The following DLG2 variants were observed in gnomAD, a reference collection of about 807,000 sequenced individuals.
The protein encoded by DLG2 is disks large homolog 2.
A neutral mutation model predicts 132.5 loss-of-function variants in DLG2; 45 were observed. The ratio of observed to expected loss-of-function variants is 0.34; its 90% CI spans 0.27 to 0.44. The LOEUF is 0.44. Ranked by LOEUF, DLG2 falls within the 20% of genes least tolerant of loss-of-function variation. DLG2 has a pLI of 1.00. For synonymous variants in DLG2, 424 were observed against 419.6 expected, an observed-to-expected ratio of 1.01 and a Z score of -0.13; for missense variants, 1,045 against 1,196.9, an observed-to-expected ratio of 0.87 and a Z score of 1.87.
At chr11:84,758,931 G>A (rs917574003) in intron 6 of DLG2, among the ~76,000 whole-genome samples, 1 of 152,140 alleles carries the variant, frequency 6.6e-6, no homozygotes, top group Non-Finnish European at 1.5e-5. Context: ...AGGCTGGAGT[G>A]CAGTGGTGGG....
Position 84,251,282 on chromosome 11 carries a change from C to G in DLG2, c.529G>C (p.Ala177Pro), listed in dbSNP as rs1200209231. 5 of 1,585,062 alleles carry G rather than the reference C, an allele frequency of 3.2e-6. No homozygotes were observed. The highest frequency in any genetic ancestry group is 4.3e-6 in the Non-Finnish European group (5 of 1,169,786). Residue 177 changes from alanine (A) to proline (P), a missense_variant, in exon 8 of 28, where the codon GCT (alanine) becomes CCT (proline). This residue lies in a region of DLG2 where 277 missense variants were observed against 238.2 expected (regional missense o/e 1.16). Coordinates refer to ENST00000376104, the MANE Select transcript of DLG2 (RefSeq NM_001142699.3). ...GTATCTGTGTTGACAATTATAGGAGCAGGACTGGCCTGAAAAAAGAAATAG... is the reference window on the plus strand; with the variant it reads ...GTATCTGTGTTGACAATTATAGGAGGAGGACTGGCCTGAAAAAAGAAATAG... ...SHISPLKASP[A>P]PIIVNTDTLD...
intron 6 of DLG2, among the ~76,000 whole-genome samples, chr11:84,618,972 T>C (rs1472132884): frequency 5.3e-5 from 8 of 152,164 alleles, no homozygotes; most frequent in East Asian, 1.9e-4. Context: ...GACTCATTGA[T>C]AGATGATGTA....
intron 3 of DLG2, among the ~76,000 whole-genome samples, chr11:85,366,776 G>A (rs2055345570): frequency 6.6e-6 from 1 of 152,050 alleles, no homozygotes; most frequent in African/African-American, 2.4e-5. Context: ...CCCACCAACA[G>A]GGAACAAATG....
chr11:85,429,921 T>C (rs1412390357), intron 3 of DLG2, among the ~76,000 whole-genome samples: 1 of 152,128 alleles, frequency 6.6e-6, no homozygotes, highest in East Asian at 1.9e-4. Flanking sequence ...ATGTTTATTG[T>C]GGCACTATTC....
At chr11:85,013,806 T>C (rs2059345717) in intron 6 of DLG2, among the ~76,000 whole-genome samples, 1 of 152,190 alleles carries the variant, frequency 6.6e-6, no homozygotes, top group African/African-American at 2.4e-5. Context: ...TAATGTGAAA[T>C]ACTGGCAGAT....
At chr11:84,572,509 A>AC (rs1446968800) in intron 6 of DLG2, among the ~76,000 whole-genome samples, 1 of 152,180 alleles carries the variant, frequency 6.6e-6, no homozygotes, top group Admixed American at 6.5e-5. Context: ...CTTTAGGCCC[A>AC]CAGGCTTTAA....
At chr11:83,523,895 C>T (rs1164268802) in intron 21 of DLG2, among the ~76,000 whole-genome samples, 1 of 152,178 alleles carries the variant, frequency 6.6e-6, no homozygotes, top group Non-Finnish European at 1.5e-5. Flanking sequence ...CCATTAGAGT[C>T]AGCCAGTGGT....
intron 15 of DLG2, among the ~76,000 whole-genome samples, chr11:83,904,211 G>C (rs1024507052): frequency 1.3e-5 from 2 of 152,064 alleles, no homozygotes; most frequent in African/African-American, 4.8e-5. Context: ...GATAGTGAGA[G>C]ATTTTATCAT....
chr11:85,175,236 A>G (rs2079149064), intron 4 of DLG2, among the ~76,000 whole-genome samples: 1 of 152,198 alleles, frequency 6.6e-6, no homozygotes, highest in African/African-American at 2.4e-5. Context: ...TGGCAAACTG[A>G]ATACAGCAAC....
At chr11:85,520,197 C>A (rs898571891) in intron 3 of DLG2, among the ~76,000 whole-genome samples, 3 of 151,966 alleles carry the variant, frequency 2.0e-5, no homozygotes, top group Admixed American at 2.0e-4. Context: ...TTTCTATACA[C>A]CGATAATGAT....
intron 4 of DLG2, among the ~76,000 whole-genome samples, chr11:85,250,660 C>A (rs144656625): frequency 6.6e-6 from 1 of 152,052 alleles, no homozygotes; most frequent in Non-Finnish European, 1.5e-5. Flanking sequence ...ATGAACAGAT[C>A]ATGGAGCATA....
At chr11:84,551,215 T>C (rs557686323) in intron 6 of DLG2, among the ~76,000 whole-genome samples, 2 of 152,356 alleles carry the variant, frequency 1.3e-5, no homozygotes, top group African/African-American at 4.8e-5. Flanking sequence ...ATAAGGTTGC[T>C]TTATAATCCA....
intron 3 of DLG2, among the ~76,000 whole-genome samples, chr11:85,595,530 G>A (rs1020569053): frequency 6.6e-6 from 1 of 152,078 alleles, no homozygotes; most frequent in Non-Finnish European, 1.5e-5. Flanking sequence ...TGCTGTTTCA[G>A]GGTTTTTTTT....
intron 11 of DLG2, among the ~76,000 whole-genome samples, chr11:84,043,139 TTTA>T (rs1393893390): frequency 5.5e-4 from 83 of 151,600 alleles, no homozygotes; most frequent in African/African-American, 1.9e-3. Context: ...ATTTAAGCAA[TTTA>T]TTAATTAATT....
chr11:83,682,151 A>C, intron 18 of DLG2: 1 of 985,392 alleles, frequency 1.0e-6, no homozygotes. Flanking sequence ...CAAAGCCAGG[A>C]ACTTACCGAG....
At chr11:84,825,549 G>A (rs780580974) in intron 6 of DLG2, among the ~76,000 whole-genome samples, 15 of 151,806 alleles carry the variant, frequency 9.9e-5, no homozygotes, top group Non-Finnish European at 1.8e-4. Context: ...CTTGACTCCC[G>A]CTGGTGTTTA....
At chr11:83,848,886 C>T (rs2059149519) in intron 16 of DLG2, among the ~76,000 whole-genome samples, 1 of 152,220 alleles carries the variant, frequency 6.6e-6, no homozygotes, top group South Asian at 2.1e-4. Context: ...TATCCTTCAA[C>T]AATTCCACAG....
chr11:85,412,313 T>C (rs1275135748), intron 3 of DLG2, among the ~76,000 whole-genome samples: 3 of 151,756 alleles, frequency 2.0e-5, no homozygotes, highest in African/African-American at 7.3e-5. Context: ...AGAACAGCCC[T>C]AGGATGAAAC....
chr11:84,002,888 CAA>C (rs1207138576), intron 11 of DLG2, among the ~76,000 whole-genome samples: 1 of 152,104 alleles, frequency 6.6e-6, no homozygotes, highest in Non-Finnish European at 1.5e-5. Context: ...TGTCAGGTTG[CAA>C]AGTTTTCAAA....
Sources: allele counts gnomAD v4.1 joint callset (sites outside exome capture counted in the v4.1 genomes callset), GRCh38; gene constraint gnomAD v4.1.1; regional missense constraint gnomAD v4.1.1; transcripts MANE v1.5; gene names NCBI Gene and HGNC (gene_info 2026-07-23, HGNC 2026-07-21).